Variants in ZNF217 observed in about 807,000 individuals in gnomAD.
ZNF217 encodes zinc finger protein 217.
A neutral mutation model predicts 73.3 loss-of-function variants in ZNF217; 12 were observed. That is an observed-to-expected ratio of 0.16 (90% CI 0.10 to 0.27). The LOEUF (loss-of-function observed/expected upper bound fraction) is 0.27. ZNF217 is among the 10% of genes least tolerant of loss of function. The pLI is 1.00. For synonymous variants in ZNF217, 588 were observed against 516.4 expected (o/e 1.14, Z -1.88); for missense variants, 1,195 against 1,327.8 (o/e 0.90, Z 1.55).
At chr20:53,578,514 G>A in intron 2 of ZNF217, 64 bp from the exon 3 acceptor site, 1 of 981,082 alleles carries the variant, frequency 1.0e-6, no homozygotes, top group Non-Finnish European at 1.5e-6. Context: ...AAGGCATGCT[G>A]ACTTAAATAT....
At chr20:53,589,480 A>G (rs2145977215) in intron 1 of ZNF217, among the ~76,000 whole-genome samples, 1 of 152,360 alleles carries the variant, frequency 6.6e-6, no homozygotes, top group East Asian at 1.9e-4. Context: ...GTTAAATATA[A>G]AAGGGTAATA....
At chr20:53,571,149 A>C (rs913184258) in intron 5 of ZNF217, among the ~76,000 whole-genome samples, 1 of 152,172 alleles carries the variant, frequency 6.6e-6, no homozygotes, top group Non-Finnish European at 1.5e-5. Flanking sequence ...CCCTTACCTA[A>C]GCCCTCTGCT....
rs1203848951 is a variant in ZNF217, at chr20:53,575,768, C to G, written c.2996G>C (p.Cys999Ser). The part of the protein sequence containing the change: ...PYGGSGPLYT[C>S]VPAGSPASSS... ...GGATGCTGGACTACCAGCAGGCACA[C>G]AAGTGTAAAGTGGCCCGGAGCCACC... Residue 999 changes from cysteine (C) to serine (S), a missense_variant, in exon 4 of 6, where the codon TGT (cysteine) becomes TCT (serine). Transcript: ENST00000371471. 6.2e-7 allele frequency: 1 copy of G among 1,604,032 alleles called. No individual in the cohort carries two copies. The highest frequency in any genetic ancestry group is 8.5e-7 in the Non-Finnish European group (1 of 1,175,170).
chr20:53,580,132 T>C (rs541963083), intron 2 of ZNF217, among the ~76,000 whole-genome samples: 1 of 152,132 alleles, frequency 6.6e-6, no homozygotes, highest in South Asian at 2.1e-4. Context: ...AAGTGCTGGG[T>C]TTCCTGTGTC....
At chr20:53,597,630 C>T (rs890443946), upstream of ZNF217, 1 of 150,924 alleles carries the variant, frequency 6.6e-6, no homozygotes, top group Non-Finnish European at 1.5e-5. Flanking sequence ...GCAGAACTTA[C>T]CTTTCAGAAG....
chr20:53,588,443 A>G (rs907786204), intron 1 of ZNF217, among the ~76,000 whole-genome samples: 5 of 152,130 alleles, frequency 3.3e-5, no homozygotes, highest in African/African-American at 1.2e-4. Flanking sequence ...TAACCAGTAC[A>G]ACCTTAAATA....
chr20:53,575,816 A>G lies in ZNF217; in HGVS notation c.2948T>C (p.Val983Ala). 6.2e-7 allele frequency: 1 copy of G among 1,614,152 alleles called. No individual in the cohort carries two copies. Among genetic ancestry groups the G allele is most frequent in the Non-Finnish European group, 8.5e-7 (1 of 1,180,028 alleles). ...ACCATAGGGCTTCTGAACAGTCAGC[A>G]CATTTGGAGAATCGACCTCGCTGGA... Reference protein sequence around the residue: ...LSSSEVDSPNVLTVQKPYGGS... With the variant: ...LSSSEVDSPNALTVQKPYGGS... The change falls in exon 4 of 6, where the codon GTG becomes GCG. Residue 983 changes from valine (V) to alanine (A), a missense_variant. Coordinates refer to ENST00000371471, the MANE Select transcript of ZNF217 (RefSeq NM_006526.3).
Position 53,569,201 on chromosome 20 carries a change from C to A in ZNF217, c.*87G>T. On this transcript the variant is annotated 3_prime_UTR_variant, in exon 6 of 6. Coordinates refer to ENST00000371471, the MANE Select transcript of ZNF217 (RefSeq NM_006526.3). ...GCTTATTTCAGTAGCTTTCACCATT[C>A]GCTTCTCAAAGGATGAAGTAAAATT... The A allele has an allele frequency of 7.4e-7, 1 of 1,350,638 alleles. No homozygotes were observed. Among genetic ancestry groups the A allele is most frequent in the South Asian group, 1.2e-5 (1 of 85,130 alleles). 83.7% of individuals were successfully genotyped at this position (1,350,638 alleles called of 1,614,324 possible).
At chr20:53,580,069 T>C (rs1988427729) in intron 2 of ZNF217, among the ~76,000 whole-genome samples, 1 of 152,252 alleles carries the variant, frequency 6.6e-6, no homozygotes, top group Non-Finnish European at 1.5e-5. Flanking sequence ...CTGGAGTCTG[T>C]GTTTAAAGCC....
At chr20:53,591,076 TA>T (rs58543493) in intron 1 of ZNF217, among the ~76,000 whole-genome samples, 130,871 of 151,938 alleles carry the variant, frequency 0.86, 56,873 homozygotes, top group East Asian at 1. Context: ...TTTGACCTGT[TA>T]ACCAAAATAG....
intron 5 of ZNF217, among the ~76,000 whole-genome samples, 171 bp from the exon 6 acceptor site, chr20:53,569,435 T>C (rs1007110260): frequency 6.6e-6 from 1 of 152,146 alleles, no homozygotes; most frequent in Non-Finnish European, 1.5e-5. Flanking sequence ...CAGGCTGGAG[T>C]GCAGCGGCAC....
chr20:53,587,083 CT>C (rs1189197089), intron 1 of ZNF217, among the ~76,000 whole-genome samples: 31 of 152,230 alleles, frequency 2.0e-4, no homozygotes, highest in Admixed American at 7.9e-4. Flanking sequence ...CATATACCCC[CT>C]AACACCTAAG....
Position 53,571,809 on chromosome 20 carries a change from G to T in ZNF217, c.3082C>A (p.Gln1028Lys). ...SYQHLSNSMA[Q>K]KRNYENFIGN... ...ATAAAATTCTCATAGTTTCTCTTTT[G>T]TGCCATGCTGTTAGATAAGTGTTGA... Residue 1028 changes from glutamine to lysine, a missense_variant, in exon 5 of 6, where the codon CAA (glutamine) becomes AAA (lysine). By Grantham distance (53) the Gln-to-Lys change is moderately conservative. This residue lies in a region of ZNF217 where 649 missense variants were observed against 642.8 expected (regional missense o/e 1.01). Coordinates refer to ENST00000371471, the MANE Select transcript of ZNF217 (RefSeq NM_006526.3). 2 of 1,611,738 alleles carry T rather than the reference G, an allele frequency of 1.2e-6. No homozygotes were observed.
intron 2 of ZNF217, among the ~76,000 whole-genome samples, 189 bp from the exon 3 acceptor site, chr20:53,578,639 G>C (rs1392992855): frequency 6.6e-6 from 1 of 152,190 alleles, no homozygotes; most frequent in Non-Finnish European, 1.5e-5. Context: ...AAGTTTTAGA[G>C]TGTTATAACA....
upstream of ZNF217, among the ~76,000 whole-genome samples, chr20:53,597,109 A>AC (rs1467743593): frequency 8.4e-4 from 116 of 138,568 alleles, no homozygotes; most frequent in South Asian, 2.2e-3. Context: ...AAAAAAAAAA[A>AC]AAAACTTCTG....
At chr20:53,595,046 C>CAA (rs55752265), upstream of ZNF217, among the ~76,000 whole-genome samples, 2,712 of 105,132 alleles carry the variant, frequency 0.026, 115 homozygotes, top group African/African-American at 0.062. Context: ...AAAAAAGGGA[C>CAA]AAAAAAAAAA....
In ZNF217 at chr20:53,588,264, T is replaced by C. The variant is rs1485927861; in HGVS notation, c.-342-5096A>G. Among the ~76,000 whole-genome samples, 5 of 152,128 alleles carry C rather than the reference T, an allele frequency of 3.3e-5. No homozygotes were observed. In the East Asian group the frequency reaches 9.6e-4, roughly 29 times the overall value. Reference sequence around the variant, plus strand: ...AAGGGATCTTAGTAAGAACTTAAAGTATAACATACTAGTTTTAGTTTCAAT... The same window carrying C: ...AAGGGATCTTAGTAAGAACTTAAAGCATAACATACTAGTTTTAGTTTCAAT... On this transcript the variant is annotated intron_variant, in intron 1 of 5. Coordinates refer to ENST00000371471, the MANE Select transcript of ZNF217 (RefSeq NM_006526.3).
Position 53,583,083 on chromosome 20 carries a change from T to C in ZNF217, c.-257A>G, listed in dbSNP as rs1223557104. On this transcript the variant is annotated 5_prime_UTR_variant, in exon 2 of 6. The change abolishes an upstream ATG in the 5' untranslated region. Transcript: ENST00000371471. Reference sequence around the variant, plus strand: ...TTCAAATATGAATCAGCACAAAGCATTAGTTCTCTTTGTCTCCATTGAATG... The same window carrying C: ...TTCAAATATGAATCAGCACAAAGCACTAGTTCTCTTTGTCTCCATTGAATG... The C allele has an allele frequency of 4.5e-6, 2 of 441,656 alleles. No individual in the cohort carries two copies. The highest frequency in any genetic ancestry group is 8.0e-6 in the Non-Finnish European group (2 of 250,422). 27.4% of individuals were successfully genotyped at this position (441,656 alleles called of 1,614,324 possible).
Position 53,568,631 on chromosome 20 carries a change from C to A in ZNF217, c.*657G>T, listed in dbSNP as rs1987847742. 1 of 152,076 alleles carries A rather than the reference C, an allele frequency of 6.6e-6. No individual in the cohort carries two copies. The highest frequency in any genetic ancestry group is 2.4e-5 in the African/African-American group (1 of 41,382). 9.4% of individuals were successfully genotyped at this position (152,076 alleles called of 1,614,324 possible). On this transcript the variant is annotated 3_prime_UTR_variant, in exon 6 of 6. Coordinates refer to ENST00000371471, the MANE Select transcript of ZNF217 (RefSeq NM_006526.3). Reference sequence around the variant, plus strand: ...AGTTGCGATAAAATGCTGCCAGCTTCCGAATGGCTGACCTCGATATCTGCA... The same window carrying A: ...AGTTGCGATAAAATGCTGCCAGCTTACGAATGGCTGACCTCGATATCTGCA...
Sources: allele counts gnomAD v4.1 joint callset (sites outside exome capture counted in the v4.1 genomes callset), GRCh38; gene constraint gnomAD v4.1.1; regional missense constraint gnomAD v4.1.1; transcripts MANE v1.5; gene names NCBI Gene and HGNC (gene_info 2026-07-23, HGNC 2026-07-21).